Variants in RALGPS2 observed in about 807,000 individuals in gnomAD.
The protein encoded by RALGPS2 is Ral GEF with PH domain and SH3 binding motif 2, also known as ras-specific guanine nucleotide-releasing factor RalGPS2.
Under a neutral mutation model 86.8 loss-of-function variants are expected in RALGPS2, and 43 were observed. That is an observed-to-expected ratio of 0.50 (90% confidence interval 0.39 to 0.64). The LOEUF (loss-of-function observed/expected upper bound fraction) is 0.64, where lower values mean the gene tolerates loss of function less well. Ranked by LOEUF, RALGPS2 falls within the 30% of genes least tolerant of loss-of-function variation. RALGPS2 has a pLI of 0.00. For missense variants in RALGPS2, 536 were observed against 694.6 expected (o/e 0.77, Z 2.57); for synonymous variants, 243 against 231.3 (o/e 1.05, Z -0.46).
intron 2 of RALGPS2, among the ~76,000 whole-genome samples, chr1:178,780,062 A>G (rs959383279): frequency 6.6e-6 from 1 of 152,136 alleles, no homozygotes; most frequent in Non-Finnish European, 1.5e-5. Context: ...GCCCACCACA[A>G]CCATTGTCTC....
chr1:178,796,665 T>C (rs1225102823), intron 4 of RALGPS2, among the ~76,000 whole-genome samples: 2 of 152,132 alleles, frequency 1.3e-5, no homozygotes, highest in African/African-American at 2.4e-5. Context: ...TTTAAGAGTA[T>C]TGGAACCTAC....
intron 1 of RALGPS2, among the ~76,000 whole-genome samples, chr1:178,773,639 A>AG (rs1652916575): frequency 6.6e-6 from 1 of 152,062 alleles, no homozygotes; most frequent in East Asian, 1.9e-4. Context: ...TACTAAAAAT[A>AG]CAAAAAATTA....
chr1:178,906,473 T>C (rs759943957), intron 18 of RALGPS2, among the ~76,000 whole-genome samples: 10 of 152,206 alleles, frequency 6.6e-5, no homozygotes, highest in Non-Finnish European at 1.5e-4. Flanking sequence ...TGCCACACAG[T>C]TATTTTATGT....
chr1:178,808,045 G>A lies in RALGPS2; in HGVS notation c.214G>A (p.Glu72Lys). The A allele has an allele frequency of 6.2e-7, 1 of 1,600,316 alleles. No homozygotes were observed. The highest frequency in any genetic ancestry group is 8.6e-7 in the Non-Finnish European group (1 of 1,168,736). ...TTTAATTTTCACCTTAATTTTCCAG[G>A]AGCTTTCAAGTTGTGGATGGAATAA... The part of the protein sequence containing the change: ...VPVFKAIQPD[E>K]LSSCGWNKKE... Residue 72 changes from glutamate to lysine, a missense_variant and splice_region_variant, in exon 5 of 20, where the codon GAG (glutamate) becomes AAG (lysine). By Grantham distance (56) the Glu-to-Lys change is moderately conservative. Transcript: ENST00000367635.
intron 1 of RALGPS2, among the ~76,000 whole-genome samples, chr1:178,760,436 GC>G (rs572834506): frequency 7.4e-4 from 112 of 152,228 alleles, no homozygotes; most frequent in Non-Finnish European, 1.2e-3. Flanking sequence ...ACTCTGTAAT[GC>G]CCTTGTCTTT....
chr1:178,877,730 ACAT>A, intron 9 of RALGPS2, 95 bp downstream of exon 9: 1 of 1,422,414 alleles, frequency 7.0e-7, no homozygotes, highest in Non-Finnish European at 9.6e-7. Flanking sequence ...ACAGCAGGGG[ACAT>A]CAATTTCTTA....
At chr1:178,912,010 T>G (rs1303435017) in intron 19 of RALGPS2, among the ~76,000 whole-genome samples, 1 of 152,230 alleles carries the variant, frequency 6.6e-6, no homozygotes, top group Non-Finnish European at 1.5e-5. Flanking sequence ...GTATCTAATA[T>G]AAGACTAGCA....
intron 2 of RALGPS2, among the ~76,000 whole-genome samples, chr1:178,780,674 C>T (rs939618849): frequency 6.6e-6 from 1 of 152,092 alleles, no homozygotes; most frequent in Non-Finnish European, 1.5e-5. Flanking sequence ...ATTACATTTT[C>T]CTTCTTCTGT....
chr1:178,760,206 T>A (rs1350865096), intron 1 of RALGPS2, among the ~76,000 whole-genome samples: 2 of 147,866 alleles, frequency 1.4e-5, no homozygotes, highest in Non-Finnish European at 2.9e-5. Flanking sequence ...AGGTGACTAT[T>A]AGGTCCAGTT....
intron 1 of RALGPS2, among the ~76,000 whole-genome samples, chr1:178,732,360 G>A (rs578203716): frequency 2.0e-4 from 31 of 151,952 alleles, no homozygotes; most frequent in South Asian, 4.1e-4. Flanking sequence ...GTGCAGTGGC[G>A]CGATCTCGGC....
chr1:178,774,471 CT>C (rs886115431), intron 1 of RALGPS2, among the ~76,000 whole-genome samples: 3 of 152,150 alleles, frequency 2.0e-5, no homozygotes, highest in Non-Finnish European at 2.9e-5. Context: ...GGGGGCACCC[CT>C]GATTTATAAA....
intron 19 of RALGPS2, among the ~76,000 whole-genome samples, chr1:178,913,619 T>C (rs1660703169): frequency 6.6e-6 from 1 of 152,216 alleles, no homozygotes; most frequent in South Asian, 2.1e-4. Context: ...TATTCCTTTA[T>C]CCTTTGAAGT....
chr1:178,884,035 T>C (rs1257675269), intron 11 of RALGPS2, among the ~76,000 whole-genome samples: 1 of 152,080 alleles, frequency 6.6e-6, no homozygotes, highest in African/African-American at 2.4e-5. Context: ...TACAAACAAG[T>C]ATGCTACCTA....
At chr1:178,887,668 AAAATT>A (rs1440564978) in intron 13 of RALGPS2, among the ~76,000 whole-genome samples, 1 of 152,200 alleles carries the variant, frequency 6.6e-6, no homozygotes, top group East Asian at 1.9e-4. Context: ...CTTGAGAGTT[AAAATT>A]AAATTATTTC....
In RALGPS2 at chr1:178,914,900, C is replaced by T. The variant is rs577901912; in HGVS notation, c.1723-1430C>T. On this transcript the variant is annotated intron_variant, in intron 19 of 19. Transcript: ENST00000367635. ...TCTAGACTAAGCCTTTCAGGATTCA[C>T]CTCATTGCTATACATTTTCTTTAAA... Among the ~76,000 whole-genome samples, 180 of 152,172 alleles carry T rather than the reference C, an allele frequency of 1.2e-3. 1 individual carries two copies. Among genetic ancestry groups the T allele is most frequent in the Non-Finnish European group, 2.1e-3 (146 of 67,986 alleles).
At chr1:178,862,175 G>T (rs1026001785) in intron 8 of RALGPS2, among the ~76,000 whole-genome samples, 1 of 151,944 alleles carries the variant, frequency 6.6e-6, no homozygotes, top group East Asian at 1.9e-4. Flanking sequence ...GCCCGGCGAG[G>T]ATATTAATAA....
intron 8 of RALGPS2, among the ~76,000 whole-genome samples, chr1:178,833,796 A>G (rs1656137339): frequency 6.6e-6 from 1 of 152,188 alleles, no homozygotes; most frequent in African/African-American, 2.4e-5. Context: ...GAGTAGGACC[A>G]TATAGTAAAA....
intron 4 of RALGPS2, among the ~76,000 whole-genome samples, chr1:178,787,033 A>G (rs1226348443): frequency 6.6e-6 from 1 of 152,028 alleles, no homozygotes; most frequent in Non-Finnish European, 1.5e-5. Flanking sequence ...AAGTAGAACC[A>G]TTGGATTAGC....
intron 19 of RALGPS2, among the ~76,000 whole-genome samples, chr1:178,915,329 G>A (rs571944454): frequency 2.0e-5 from 3 of 152,010 alleles, no homozygotes; most frequent in African/African-American, 7.2e-5. Flanking sequence ...TCTGCCTCCC[G>A]GGTTCAAGCC....
Sources: gnomAD v4.1 joint callset for allele counts (sites outside exome capture counted in the v4.1 genomes callset) on GRCh38, gnomAD v4.1.1 for gene constraint, MANE v1.5 for transcripts, NCBI Gene and HGNC (gene_info 2026-07-23, HGNC 2026-07-21) for gene names.